MTHFD1: variants seen among roughly 807,000 people sequenced by gnomAD.
MTHFD1 encodes the protein methylenetetrahydrofolate dehydrogenase, cyclohydrolase and formyltetrahydrofolate synthetase 1.
In MTHFD1, 44 loss-of-function variants were observed where a neutral mutation model predicts 110.3. The observed-to-expected ratio is 0.40, with a 90% CI of 0.31 to 0.51. The LOEUF (loss-of-function observed/expected upper bound fraction) is 0.51. MTHFD1 is among the 20% of genes least tolerant of loss of function. The probability of loss-of-function intolerance (pLI) is 0.60; values close to 1 mark genes in which losing one functional copy is unlikely to be tolerated. For synonymous variants in MTHFD1, 402 were observed against 428.8 expected (o/e 0.94, Z 0.77); for missense variants, 909 against 1,173.1 (o/e 0.77, Z 3.29).
At chr14:64,406,024 T>A (rs2077933086) in intron 2 of MTHFD1, among the ~76,000 whole-genome samples, 1 of 142,244 alleles carries the variant, frequency 7.0e-6, no homozygotes, top group South Asian at 2.2e-4. Context: ...TATATATATA[T>A]AATAATAATT....
intron 1 of MTHFD1, among the ~76,000 whole-genome samples, chr14:64,397,999 G>C (rs751116342): frequency 6.6e-6 from 1 of 152,172 alleles, no homozygotes. Context: ...GCCAAAGAGA[G>C]CCTGGGTGAC....
At chr14:64,398,037 C>T (rs2077871119) in intron 1 of MTHFD1, among the ~76,000 whole-genome samples, 1 of 152,058 alleles carries the variant, frequency 6.6e-6, no homozygotes, top group South Asian at 2.1e-4. Context: ...CTATGCCCAG[C>T]ACCACATCTG....
chr14:64,438,193 C>A (rs2078221481), intron 16 of MTHFD1, among the ~76,000 whole-genome samples: 1 of 152,144 alleles, frequency 6.6e-6, no homozygotes, highest in African/African-American at 2.4e-5. Context: ...GTTTTATACA[C>A]CCCTAACACC....
In MTHFD1 at chr14:64,454,790, A is replaced by G. The variant is rs2140989055; in HGVS notation, c.2633A>G (p.Lys878Arg). 1.9e-6 allele frequency: 3 copies of G among 1,614,148 alleles called. No homozygotes were observed. The highest frequency in any genetic ancestry group is 8.5e-7 in the Non-Finnish European group (1 of 1,179,982). ...HLSLSHNPEQ[K>R]GVPTGFILPI... The stretch of plus-strand genomic sequence containing the variant: ...TCTTTGTCTCACAACCCAGAGCAAA[A>G]AGGTGTCCCTACAGGCTTCATTCTG... The change falls in exon 26 of 28, where the codon AAA becomes AGA. Residue 878 changes from lysine to arginine, a missense_variant. This residue lies in a region of MTHFD1 where 482 missense variants were observed against 646.0 expected (regional missense o/e 0.75). Transcript: ENST00000652337.
At position 64,448,204 on chromosome 14, in the gene MTHFD1, G is replaced by A; in HGVS notation, c.2179-13G>A. 6.2e-7 allele frequency: 1 copy of A among 1,606,170 alleles called. No homozygotes were observed. Among genetic ancestry groups the A allele is most frequent in the African/African-American group, 1.3e-5 (1 of 74,838 alleles). ...TCTCTGATCTCATAGGCCTTTCACTGTTGTTTTTACAGAACCTGGAGCTGG... is the reference window on the plus strand; with the variant it reads ...TCTCTGATCTCATAGGCCTTTCACTATTGTTTTTACAGAACCTGGAGCTGG... On this transcript the variant is annotated splice_polypyrimidine_tract_variant and intron_variant, in intron 22 of 27. Transcript: ENST00000652337.
chr14:64,444,921 T>A, intron 22 of MTHFD1, 187 bp downstream of exon 22: 1 of 643,416 alleles, frequency 1.6e-6, no homozygotes, highest in Non-Finnish European at 2.8e-6. Context: ...CCTCACAAAA[T>A]AGAATTGTCC....
chr14:64,418,173 G>C, intron 7 of MTHFD1, 149 bp downstream of exon 7: 4 of 1,034,076 alleles, frequency 3.9e-6, no homozygotes, highest in Non-Finnish European at 4.3e-6. Flanking sequence ...AAGGCTGAGT[G>C]GGGTGGCTGA....
At chr14:64,430,524 C>G (rs1297299182) in intron 13 of MTHFD1, among the ~76,000 whole-genome samples, 2 of 151,256 alleles carry the variant, frequency 1.3e-5, no homozygotes, top group East Asian at 3.9e-4. Flanking sequence ...TCTTGAACTC[C>G]TGACCTCGTG....
Position 64,417,848 on chromosome 14 carries a change from TC to T in MTHFD1, c.479-39del. ...ACGTGGCATGCGAAGGAGGGCAGCTTCTATCCTCCAACTCTGATGCAGGCTG... is the reference window on the plus strand; with the variant it reads ...ACGTGGCATGCGAAGGAGGGCAGCTTTATCCTCCAACTCTGATGCAGGCTG... On this transcript the variant is annotated intron_variant, in intron 6 of 27. Transcript: ENST00000652337. The surrounding 1 kb of genome is among the most constrained non-coding windows in gnomAD (Gnocchi z 4.4). 1 of 1,611,816 alleles carries T rather than the reference TC, an allele frequency of 6.2e-7. No homozygotes were observed. Among genetic ancestry groups the T allele is most frequent in the South Asian group, 1.1e-5 (1 of 90,990 alleles).
chr14:64,450,351 A>AG (rs1169533512), intron 24 of MTHFD1, among the ~76,000 whole-genome samples: 1 of 152,204 alleles, frequency 6.6e-6, no homozygotes, highest in East Asian at 1.9e-4. Flanking sequence ...GTAATAGGGG[A>AG]AAGAAGTGTG....
intron 12 of MTHFD1, 117 bp downstream of exon 12, chr14:64,427,590 T>C: frequency 1.9e-6 from 2 of 1,042,586 alleles, no homozygotes; most frequent in Non-Finnish European, 3.0e-6. Flanking sequence ...ACACCAGGAA[T>C]GTCATTCTCA....
rs555440136 is a variant in MTHFD1 at position 64,406,634 on chromosome 14, A to G, written c.127-4456A>G. Among the ~76,000 whole-genome samples the G allele has an allele frequency of 4.3e-4, 65 of 151,714 alleles. No homozygotes were observed. In the South Asian group the frequency reaches 6.7e-3, roughly 16 times the overall value. On this transcript the variant is annotated intron_variant, in intron 2 of 27. Transcript: ENST00000652337. ...CAGCCTCCTGAGTAGCTGGGACTAC[A>G]GGCATCCAGCTAATTTTAGTATTTG...
chr14:64,451,085 C>T (rs1275235036), intron 24 of MTHFD1, among the ~76,000 whole-genome samples: 1 of 152,172 alleles, frequency 6.6e-6, no homozygotes, highest in African/African-American at 2.4e-5. Context: ...AGGAGAATCG[C>T]TTGAACCCGG....
intron 23 of MTHFD1, chr14:64,449,132 C>T (rs1409164255): frequency 2.5e-6 from 1 of 407,748 alleles, no homozygotes; most frequent in Non-Finnish European, 4.6e-6. Flanking sequence ...TTTACTGATT[C>T]CTTCTGGAGT....
At chr14:64,397,491 C>T (rs2077867546) in intron 1 of MTHFD1, among the ~76,000 whole-genome samples, 1 of 151,984 alleles carries the variant, frequency 6.6e-6, no homozygotes, top group South Asian at 2.1e-4. Context: ...GACGGGGTTT[C>T]ACCATATTGG....
intron 24 of MTHFD1, among the ~76,000 whole-genome samples, chr14:64,451,574 T>C (rs1279263741): frequency 6.6e-6 from 1 of 152,214 alleles, no homozygotes; most frequent in Non-Finnish European, 1.5e-5. Context: ...TGCACACAAA[T>C]GCAAAGCATT....
At position 64,419,830 on chromosome 14, in the gene MTHFD1, T is replaced by G; in HGVS notation, c.632T>G (p.Ile211Ser). 2 of 1,613,642 alleles carry G rather than the reference T, an allele frequency of 1.2e-6. No homozygotes were observed. Among genetic ancestry groups the G allele is most frequent in the Non-Finnish European group, 1.7e-6 (2 of 1,179,528 alleles). Residue 211 changes from isoleucine (I) to serine (S), a missense_variant, in exon 8 of 28, where the codon ATC becomes AGC. Ile to Ser is a moderately radical substitution (Grantham distance 142). Around this residue, in one of 3 missense-constraint regions of MTHFD1, gnomAD observed 424 missense variants for 510.4 expected, o/e 0.83. Coordinates refer to ENST00000652337, the MANE Select transcript of MTHFD1 (RefSeq NM_005956.4). ...TACCCCTAGGTAAATAAAGGTGACA[T>G]CCTGGTGGTTGCAACTGGTCAGCCT... ...HLDEEVNKGD[I>S]LVVATGQPEM...
At chr14:64,389,276 C>T (rs1315587846) in intron 1 of MTHFD1, among the ~76,000 whole-genome samples, 9 of 152,142 alleles carry the variant, frequency 5.9e-5, no homozygotes, top group African/African-American at 2.2e-4. Flanking sequence ...TTCTGTGTGA[C>T]CTTACTGAGT....
In MTHFD1 at chr14:64,440,214, A is replaced by G. The variant is rs1049952779; in HGVS notation, c.1763A>G (p.Lys588Arg). ...GAAGACATGAGAGAGAGACTGGGCA[A>G]AATGGTGGTGGCATCCAGTAAGAAA... ...SLEDMRERLGKMVVASSKKGE... is the reference protein window; with the variant it reads ...SLEDMRERLGRMVVASSKKGE... The change falls in exon 18 of 28, where the codon AAA becomes AGA. Residue 588 changes from lysine (K) to arginine (R), a missense_variant. Lys to Arg is a conservative substitution (Grantham distance 26). Around this residue, in one of 3 missense-constraint regions of MTHFD1, gnomAD observed 482 missense variants for 646.0 expected, o/e 0.75. Transcript: ENST00000652337. 6.2e-7 allele frequency: 1 copy of G among 1,614,212 alleles called. No individual in the cohort carries two copies. Among genetic ancestry groups the G allele is most frequent in the Middle Eastern group, 1.6e-4 (1 of 6,062 alleles).
Sources: gnomAD v4.1 joint callset for allele counts (sites outside exome capture counted in the v4.1 genomes callset) on GRCh38, gnomAD v4.1.1 for gene constraint, gnomAD v4.1.1 regional missense constraint, Gnocchi (gnomAD v3.1) non-coding constraint, MANE v1.5 for transcripts, NCBI Gene and HGNC (gene_info 2026-07-23, HGNC 2026-07-21) for gene names.